CARMIL1: variants seen among roughly 807,000 people sequenced by gnomAD.
CARMIL1 encodes capping protein regulator and myosin 1 linker 1, also known as F-actin-uncapping protein LRRC16A.
CARMIL1 carries 90 observed loss-of-function variants against 177.1 expected under a neutral mutation model. The ratio of observed to expected loss-of-function variants is 0.51; its 90% CI spans 0.43 to 0.61. The LOEUF is 0.61. Among genes scored for constraint, CARMIL1 ranks in the 20% least tolerant of loss-of-function variants. The pLI is 0.00. For missense variants in CARMIL1, 1,380 were observed against 1,667.0 expected, an observed-to-expected ratio of 0.83 and a Z score of 3.00; for synonymous variants, 577 against 606.2, an observed-to-expected ratio of 0.95 and a Z score of 0.71.
intron 29 of CARMIL1, among the ~76,000 whole-genome samples, chr6:25,561,724 C>T (rs951377246): frequency 9.2e-5 from 14 of 152,118 alleles, no homozygotes; most frequent in Admixed American, 5.9e-4. Context: ...CTAATCTATT[C>T]ACAGGGTCGC....
intron 11 of CARMIL1, among the ~76,000 whole-genome samples, chr6:25,475,070 A>G (rs1393216394): frequency 6.6e-6 from 1 of 152,230 alleles, no homozygotes; most frequent in African/African-American, 2.4e-5. Flanking sequence ...GGGAGTGTAA[A>G]ATGGTACAGC....
intron 29 of CARMIL1, among the ~76,000 whole-genome samples, chr6:25,570,859 C>G (rs562561673): frequency 2.6e-5 from 4 of 152,140 alleles, no homozygotes; most frequent in Non-Finnish European, 4.4e-5. Context: ...TGATTTATTG[C>G]AGCTTTCTCA....
chr6:25,539,625 C>CAAAAA (rs11304932), intron 25 of CARMIL1, among the ~76,000 whole-genome samples: 4 of 55,736 alleles, frequency 7.2e-5, no homozygotes, highest in Admixed American at 2.7e-4. Flanking sequence ...AACTCCATCT[C>CAAAAA]AAAAAAAAAA....
intron 2 of CARMIL1, among the ~76,000 whole-genome samples, chr6:25,401,563 C>T (rs962089982): frequency 2.6e-5 from 4 of 152,204 alleles, no homozygotes; most frequent in Admixed American, 6.5e-5. Flanking sequence ...ATTCAAGGAT[C>T]AACTCTAAAC....
chr6:25,472,673 A>C (rs565624227), intron 11 of CARMIL1, 152 bp downstream of exon 11: 8 of 593,782 alleles, frequency 1.3e-5, no homozygotes, highest in South Asian at 2.3e-5. Context: ...CCACCCTTTC[A>C]TATAAATGCT....
Position 25,610,133 on chromosome 6 carries a change from G to A in CARMIL1, c.3931G>A (p.Asp1311Asn). 1 of 1,613,916 alleles carries A rather than the reference G, an allele frequency of 6.2e-7. No homozygotes were observed. The highest frequency in any genetic ancestry group is 8.5e-7 in the Non-Finnish European group (1 of 1,179,872). The change falls in exon 36 of 37, where the codon GAT becomes AAT. Residue 1311 changes from aspartate (D) to asparagine (N), a missense_variant. Asp to Asn is a conservative substitution (Grantham distance 23). Coordinates refer to ENST00000329474, the MANE Select transcript of CARMIL1 (RefSeq NM_017640.6). ...LKKVPSDKER[D>N]GQSSPQPSPR... ...AAAAGTTCCTTCAGACAAAGAGAGA[G>A]ATGGCCAGAGTAGCCCCCAGCCCAG...
Position 25,517,401 on chromosome 6 carries a change from T to A in CARMIL1, c.1860T>A (p.Ala620=). 1.2e-6 allele frequency: 2 copies of A among 1,613,162 alleles called. No individual in the cohort carries two copies. Among genetic ancestry groups the A allele is most frequent in the Non-Finnish European group, 1.7e-6 (2 of 1,179,524 alleles). The change falls in exon 22 of 37, where the codon GCT becomes GCA. Residue 620 remains alanine, a synonymous_variant. Transcript: ENST00000329474. ...CTGCACAAGGCTTTCAGGATATAGC[T>A]GTTGCTATGGAAAAGTAAGTTTGAA... ...NITAQGFQDI[A]VAMEKNYTLR...
chr6:25,437,682 G>C (rs1797352533), intron 5 of CARMIL1, among the ~76,000 whole-genome samples: 1 of 152,078 alleles, frequency 6.6e-6, no homozygotes, highest in Non-Finnish European at 1.5e-5. Flanking sequence ...CCTAAAAATT[G>C]CTTATATTCT....
At chr6:25,492,921 A>T (rs1288614113) in intron 15 of CARMIL1, among the ~76,000 whole-genome samples, 1 of 152,198 alleles carries the variant, frequency 6.6e-6, no homozygotes, top group Non-Finnish European at 1.5e-5. Context: ...ATATGCCACA[A>T]ATACCTCCAT....
chr6:25,620,472 G>C lies in CARMIL1; in HGVS notation c.*889G>C, dbSNP rs530138003. Reference sequence around the variant, plus strand: ...TCACAAATATTCACTTACATTACAGGCTGGAAGTATTTTATTCATATGTAT... The same window carrying C: ...TCACAAATATTCACTTACATTACAGCCTGGAAGTATTTTATTCATATGTAT... On this transcript the variant is annotated 3_prime_UTR_variant, in exon 37 of 37. Coordinates refer to ENST00000329474, the MANE Select transcript of CARMIL1 (RefSeq NM_017640.6). The C allele has an allele frequency of 6.6e-6, 1 of 152,134 alleles. No homozygotes were observed. The highest frequency in any genetic ancestry group is 1.9e-4 in the East Asian group (1 of 5,186). 9.4% of individuals were successfully genotyped at this position (152,134 alleles called of 1,614,324 possible). A position where few individuals can be genotyped will look rare whatever the true frequency, so the allele number is the denominator to read the frequency against.
intron 26 of CARMIL1, among the ~76,000 whole-genome samples, chr6:25,543,858 T>G (rs1809156443): frequency 6.6e-6 from 1 of 152,190 alleles, no homozygotes; most frequent in Admixed American, 6.5e-5. Context: ...ACTGGCTCAC[T>G]GCAAGATTGT....
At chr6:25,285,883 T>C (rs1781480204) in intron 2 of CARMIL1, among the ~76,000 whole-genome samples, 1 of 152,116 alleles carries the variant, frequency 6.6e-6, no homozygotes, top group Admixed American at 6.6e-5. Context: ...TTTTTTAAAG[T>C]CTTTTTGAGA....
intron 2 of CARMIL1, among the ~76,000 whole-genome samples, chr6:25,367,663 C>A (rs1026560566): frequency 6.6e-6 from 1 of 152,128 alleles, no homozygotes; most frequent in Non-Finnish European, 1.5e-5. Flanking sequence ...GGAAGTAATT[C>A]ATATTTTGAG....
chr6:25,293,955 C>G (rs1317220471), intron 2 of CARMIL1, among the ~76,000 whole-genome samples: 4 of 152,214 alleles, frequency 2.6e-5, no homozygotes, highest in African/African-American at 9.6e-5. Context: ...CTCCTGAGCT[C>G]AAGTCATCCA....
intron 8 of CARMIL1, among the ~76,000 whole-genome samples, chr6:25,458,447 C>A (rs190102230): frequency 1.1e-3 from 140 of 131,370 alleles, no homozygotes; most frequent in African/African-American, 4.0e-3. Context: ...AGATCCACCA[C>A]TGCACTCCAG....
intron 2 of CARMIL1, among the ~76,000 whole-genome samples, chr6:25,328,850 A>G (rs1785353944): frequency 6.6e-6 from 1 of 152,158 alleles, no homozygotes; most frequent in South Asian, 2.1e-4. Context: ...GGGGAAAAAA[A>G]TCTCCTGGAT....
At chr6:25,453,395 G>T (rs893136173) in intron 8 of CARMIL1, among the ~76,000 whole-genome samples, 1 of 152,062 alleles carries the variant, frequency 6.6e-6, no homozygotes, top group Non-Finnish European at 1.5e-5. Flanking sequence ...TGAAAAAAAG[G>T]AGCTGGTTCT....
At chr6:25,561,008 A>G (rs1811061643) in intron 29 of CARMIL1, among the ~76,000 whole-genome samples, 1 of 152,190 alleles carries the variant, frequency 6.6e-6, no homozygotes, top group African/African-American at 2.4e-5. Flanking sequence ...TTTGTTGGTG[A>G]CAATGATTAA....
intron 11 of CARMIL1, among the ~76,000 whole-genome samples, chr6:25,480,530 A>G (rs1390336603): frequency 6.6e-6 from 1 of 151,330 alleles, no homozygotes; most frequent in African/African-American, 2.4e-5. Flanking sequence ...TTCTGAATAC[A>G]TGTATCTCTA....
Sources: allele counts gnomAD v4.1 joint callset (sites outside exome capture counted in the v4.1 genomes callset), GRCh38; gene constraint gnomAD v4.1.1; transcripts MANE v1.5; gene names NCBI Gene and HGNC (gene_info 2026-07-23, HGNC 2026-07-21).